The following KCNIP4 variants were observed in gnomAD, a reference collection of about 807,000 sequenced individuals.
KCNIP4 encodes the protein Kv channel-interacting protein 4.
A neutral mutation model predicts 34.0 loss-of-function variants in KCNIP4; 12 were observed. The ratio of observed to expected loss-of-function variants is 0.35; its 90% CI spans 0.23 to 0.57. The LOEUF (loss-of-function observed/expected upper bound fraction) is 0.57. Ranked by LOEUF, KCNIP4 falls within the 20% of genes least tolerant of loss-of-function variation. The pLI, the probability that KCNIP4 is intolerant of heterozygous loss-of-function variation, is 0.83. For missense variants in KCNIP4, 238 were observed against 311.7 expected (o/e 0.76, Z 1.78); for synonymous variants, 124 against 102.2 (o/e 1.21, Z -1.29).
At chr4:21,472,458 TTAC>T (rs1436301425) in intron 1 of KCNIP4, among the ~76,000 whole-genome samples, 5 of 152,248 alleles carry the variant, frequency 3.3e-5, no homozygotes, top group African/African-American at 1.2e-4. Flanking sequence ...GGGGTTAATA[TTAC>T]TACAACTATC....
intron 1 of KCNIP4, among the ~76,000 whole-genome samples, chr4:21,174,719 A>G (rs563070281): frequency 6.6e-6 from 1 of 152,144 alleles, no homozygotes; most frequent in East Asian, 1.9e-4. Flanking sequence ...AGCCTGGCCA[A>G]CATGGTGAAA....
chr4:20,959,801 T>C (rs1733676256), intron 1 of KCNIP4, among the ~76,000 whole-genome samples: 1 of 152,246 alleles, frequency 6.6e-6, no homozygotes, highest in Non-Finnish European at 1.5e-5. Flanking sequence ...AGACCATGTA[T>C]GCTCAAACCC....
intron 1 of KCNIP4, among the ~76,000 whole-genome samples, chr4:21,276,520 G>T (rs1762452132): frequency 6.6e-6 from 1 of 151,898 alleles, no homozygotes; most frequent in South Asian, 2.1e-4. Flanking sequence ...ATGTCTTTAG[G>T]TCAGATTCCT....
At chr4:21,564,723 C>A (rs1739711259) in intron 1 of KCNIP4, among the ~76,000 whole-genome samples, 1 of 152,032 alleles carries the variant, frequency 6.6e-6, no homozygotes, top group Non-Finnish European at 1.5e-5. Flanking sequence ...AGCACAGCAC[C>A]AGCATCTGCT....
chr4:21,283,219 A>G (rs1472832390), intron 1 of KCNIP4, among the ~76,000 whole-genome samples: 2 of 152,168 alleles, frequency 1.3e-5, no homozygotes, highest in Non-Finnish European at 2.9e-5. Context: ...TCTTATTTGG[A>G]TGAAAGAACT....
intron 1 of KCNIP4, among the ~76,000 whole-genome samples, chr4:21,224,353 C>CT (rs1435657337): frequency 1.3e-5 from 2 of 151,856 alleles, no homozygotes; most frequent in African/African-American, 2.4e-5. Context: ...TGTGTTTCTT[C>CT]TTTTTTAAAT....
intron 3 of KCNIP4, among the ~76,000 whole-genome samples, chr4:20,843,643 T>C (rs1720016337): frequency 6.6e-6 from 1 of 151,922 alleles, no homozygotes; most frequent in South Asian, 2.1e-4. Flanking sequence ...GGCAGAAGAG[T>C]CCCTTGAACC....
chr4:21,280,532 T>G (rs1762712275), intron 1 of KCNIP4, among the ~76,000 whole-genome samples: 1 of 152,172 alleles, frequency 6.6e-6, no homozygotes, highest in Admixed American at 6.5e-5. Flanking sequence ...CATTCCCCCA[T>G]GAAGACATCC....
intron 1 of KCNIP4, among the ~76,000 whole-genome samples, chr4:21,397,015 C>T (rs1174511318): frequency 6.6e-6 from 1 of 152,172 alleles, no homozygotes; most frequent in Non-Finnish European, 1.5e-5. Context: ...AACATCTTTT[C>T]CCAGTGGGGA....
intron 1 of KCNIP4, among the ~76,000 whole-genome samples, chr4:21,208,126 G>A (rs766789519): frequency 2.0e-5 from 3 of 151,946 alleles, no homozygotes; most frequent in African/African-American, 4.8e-5. Flanking sequence ...ACAGGTGTGC[G>A]CCACTGCACC....
intron 1 of KCNIP4, among the ~76,000 whole-genome samples, chr4:21,388,556 G>C (rs1329749187): frequency 6.6e-6 from 1 of 152,040 alleles, no homozygotes; most frequent in Admixed American, 6.6e-5. Context: ...ATTATATTGA[G>C]TGAATTCAAT....
At chr4:21,533,395 T>TTAAAGAC (rs1236883154) in intron 1 of KCNIP4, among the ~76,000 whole-genome samples, 4 of 152,132 alleles carry the variant, frequency 2.6e-5, no homozygotes, top group African/African-American at 9.7e-5. Flanking sequence ...TGACTGATTT[T>TTAAAGAC]TAAAGACTAA....
chr4:21,861,589 G>A (rs4696991), intron 1 of KCNIP4, among the ~76,000 whole-genome samples: 61,805 of 146,722 alleles, frequency 0.42, 14,076 homozygotes, highest in East Asian at 0.69. Flanking sequence ...CACAGGAGGC[G>A]GAGGTTACAG....
chr4:21,205,633 C>G (rs991780815), intron 1 of KCNIP4, among the ~76,000 whole-genome samples: 10 of 152,234 alleles, frequency 6.6e-5, no homozygotes, highest in Non-Finnish European at 1.2e-4. Context: ...TTTACAAATA[C>G]TAACTCCTTT....
At chr4:21,399,804 T>C (rs1286215787) in intron 1 of KCNIP4, among the ~76,000 whole-genome samples, 1 of 152,110 alleles carries the variant, frequency 6.6e-6, no homozygotes, top group Non-Finnish European at 1.5e-5. Context: ...AAACATTTCC[T>C]ATGCAATATT....
chr4:21,665,780 G>A (rs1748824504), intron 1 of KCNIP4, among the ~76,000 whole-genome samples: 1 of 152,112 alleles, frequency 6.6e-6, no homozygotes, highest in African/African-American at 2.4e-5. Context: ...AACTATGCTG[G>A]ATACAGAATT....
chr4:21,380,010 T>C (rs2109471097), intron 1 of KCNIP4, among the ~76,000 whole-genome samples: 1 of 152,242 alleles, frequency 6.6e-6, no homozygotes. Context: ...AGAGGAATTT[T>C]CTTACATATG....
At chr4:21,370,192 A>C (rs1370681983) in intron 1 of KCNIP4, among the ~76,000 whole-genome samples, 1 of 147,528 alleles carries the variant, frequency 6.8e-6, no homozygotes, top group Non-Finnish European at 1.5e-5. Flanking sequence ...TTAAAAGATT[A>C]CCACCCATTT....
chr4:21,854,506 T>G (rs1177898563), intron 1 of KCNIP4, among the ~76,000 whole-genome samples: 1 of 152,132 alleles, frequency 6.6e-6, no homozygotes, highest in African/African-American at 2.4e-5. Flanking sequence ...ATGACCCCAA[T>G]TGCTTAAATT....
Sources: gnomAD v4.1 joint callset for allele counts (sites outside exome capture counted in the v4.1 genomes callset) on GRCh38, gnomAD v4.1.1 for gene constraint, MANE v1.5 for transcripts, NCBI Gene and HGNC (gene_info 2026-07-23, HGNC 2026-07-21) for gene names.